Variants in SEMA3C observed in about 807,000 individuals in gnomAD.
SEMA3C encodes the protein semaphorin 3C.
A neutral mutation model predicts 89.4 loss-of-function variants in SEMA3C; 47 were observed. The ratio of observed to expected loss-of-function variants is 0.53; its 90% confidence interval spans 0.42 to 0.67. The LOEUF (loss-of-function observed/expected upper bound fraction) is 0.67. Among genes scored for constraint, SEMA3C ranks in the 30% least tolerant of loss-of-function variants. SEMA3C has a pLI of 0.00. For synonymous variants in SEMA3C, 310 were observed against 320.2 expected (o/e 0.97, Z 0.34); for missense variants, 839 against 929.1 (o/e 0.90, Z 1.26).
chr7:80,771,184 G>A (rs1248669285), intron 12 of SEMA3C, among the ~76,000 whole-genome samples: 3 of 152,206 alleles, frequency 2.0e-5, no homozygotes, highest in African/African-American at 7.2e-5. Flanking sequence ...GTAAATGGAA[G>A]TTATGTTTTA....
At chr7:80,768,699 G>T (rs1275238062) in intron 12 of SEMA3C, among the ~76,000 whole-genome samples, 1 of 152,064 alleles carries the variant, frequency 6.6e-6, no homozygotes, top group Non-Finnish European at 1.5e-5. Flanking sequence ...CAACCTATTG[G>T]AATTAGCAGT....
intron 2 of SEMA3C, among the ~76,000 whole-genome samples, chr7:80,856,305 A>G (rs2115963988): frequency 6.6e-6 from 1 of 152,158 alleles, no homozygotes; most frequent in Non-Finnish European, 1.5e-5. Flanking sequence ...TTCTACATGT[A>G]GCAGGCAGGC....
chr7:80,825,033 T>C (rs1789839065), intron 4 of SEMA3C, among the ~76,000 whole-genome samples: 1 of 152,196 alleles, frequency 6.6e-6, no homozygotes, highest in Admixed American at 6.5e-5. Context: ...AGAATTCCTG[T>C]ATTTTAAAAA....
At chr7:80,838,502 C>T (rs1790189375) in intron 2 of SEMA3C, among the ~76,000 whole-genome samples, 1 of 152,132 alleles carries the variant, frequency 6.6e-6, no homozygotes, top group South Asian at 2.1e-4. Flanking sequence ...AACATAGCCA[C>T]AGTAATACAA....
chr7:80,811,701 A>G (rs1789472396), intron 5 of SEMA3C, among the ~76,000 whole-genome samples: 3 of 152,170 alleles, frequency 2.0e-5, no homozygotes, highest in South Asian at 2.1e-4. Flanking sequence ...CTTGCCCTAG[A>G]AAGTTGGACT....
chr7:80,896,043 TTA>T (rs1791729118), intron 2 of SEMA3C, among the ~76,000 whole-genome samples: 1 of 152,044 alleles, frequency 6.6e-6, no homozygotes, highest in Admixed American at 6.6e-5. Context: ...TGTGTTTAGT[TTA>T]TCTTATCAAT....
At chr7:80,825,496 A>G (rs1477309578) in intron 4 of SEMA3C, among the ~76,000 whole-genome samples, 1 of 152,196 alleles carries the variant, frequency 6.6e-6, no homozygotes, top group Non-Finnish European at 1.5e-5. Context: ...ATTTTTATCT[A>G]ATAACGTTTA....
At chr7:80,871,662 A>G (rs777758648) in intron 2 of SEMA3C, among the ~76,000 whole-genome samples, 1 of 152,158 alleles carries the variant, frequency 6.6e-6, no homozygotes, top group Admixed American at 6.6e-5. Context: ...CTGGGCATAA[A>G]TGCTTAAGGT....
intron 2 of SEMA3C, among the ~76,000 whole-genome samples, chr7:80,880,796 G>A (rs1217263515): frequency 2.0e-5 from 3 of 152,008 alleles, no homozygotes; most frequent in Non-Finnish European, 2.9e-5. Flanking sequence ...GTGCTGACAG[G>A]TGCCTGTAGT....
intron 4 of SEMA3C, among the ~76,000 whole-genome samples, chr7:80,819,845 T>A (rs1267084990): frequency 6.6e-6 from 1 of 152,154 alleles, no homozygotes; most frequent in Non-Finnish European, 1.5e-5. Context: ...AGCTTCACTA[T>A]CCTTTGCTGA....
intron 2 of SEMA3C, among the ~76,000 whole-genome samples, chr7:80,902,307 C>A (rs1396045375): frequency 1.3e-5 from 2 of 152,182 alleles, no homozygotes; most frequent in African/African-American, 4.8e-5. Context: ...CTAGCCAACA[C>A]TGACAATTTT....
intron 2 of SEMA3C, among the ~76,000 whole-genome samples, chr7:80,889,317 T>G (rs935804793): frequency 6.6e-6 from 1 of 152,224 alleles, no homozygotes; most frequent in Non-Finnish European, 1.5e-5. Flanking sequence ...GTAGTAAAAT[T>G]AAAACTAGAA....
chr7:80,869,312 ATC>A (rs1583961506), intron 2 of SEMA3C, among the ~76,000 whole-genome samples: 2 of 152,346 alleles, frequency 1.3e-5, no homozygotes, highest in East Asian at 3.9e-4. Context: ...GAAAATCAGC[ATC>A]TCATTACAAG....
At chr7:80,751,374 A>G (rs771143424) in intron 15 of SEMA3C, 38 bp from the exon 16 acceptor site, 123 of 1,532,276 alleles carry the variant, frequency 8.0e-5, no homozygotes, top group Non-Finnish European at 1.1e-4. Flanking sequence ...ACTGAGAATT[A>G]TCACTGCCAA....
At position 80,810,667 on chromosome 7, in the gene SEMA3C, G is replaced by T. The variant is rs769307731; in HGVS notation, c.482C>A (p.Ser161Tyr). 1 of 1,613,738 alleles carries T rather than the reference G, an allele frequency of 6.2e-7. No individual in the cohort carries two copies. Residue 161 changes from serine to tyrosine, a missense_variant, in exon 6 of 18, where the codon TCT (serine) becomes TAT (tyrosine). Physicochemically the swap from Ser to Tyr is moderately radical, Grantham distance 144 (BLOSUM62 -2). Coordinates refer to ENST00000265361, the MANE Select transcript of SEMA3C (RefSeq NM_006379.5). ...QVFMIDSKCE[S>Y]GKGRCSFNPN... ...GTTGAAAGAGCAGCGTCCTTTTCCA[G>T]ATTCACACTTGGAGTCAATCATGAA...
At chr7:80,774,019 T>G (rs147057194) in intron 12 of SEMA3C, among the ~76,000 whole-genome samples, 14 of 152,198 alleles carry the variant, frequency 9.2e-5, no homozygotes, top group Non-Finnish European at 1.9e-4. Flanking sequence ...TTTAAAAGTG[T>G]TGTATTCCAG....
intron 4 of SEMA3C, 43 bp from the exon 5 acceptor site, chr7:80,818,461 T>C: frequency 6.3e-7 from 1 of 1,591,262 alleles, no homozygotes; most frequent in Non-Finnish European, 8.6e-7. Flanking sequence ...TCAATGACTT[T>C]CATTGTTATT....
intron 5 of SEMA3C, among the ~76,000 whole-genome samples, chr7:80,810,999 T>A (rs1248375462): frequency 1.3e-5 from 2 of 152,144 alleles, no homozygotes; most frequent in Admixed American, 6.5e-5. Context: ...AGTATTATTA[T>A]AAATCTCAAC....
chr7:80,901,517 CAAAACTTACCGCCAAGTGCTAAGT>C (rs1246894162), intron 2 of SEMA3C, among the ~76,000 whole-genome samples: 1 of 152,166 alleles, frequency 6.6e-6, no homozygotes, highest in Non-Finnish European at 1.5e-5. Context: ...ATATACTTTG[CAAAACTTACCGCCAAGTGCTAAGT>C]AGTAGAAGCA....
Sources: gnomAD v4.1 joint callset for allele counts (sites outside exome capture counted in the v4.1 genomes callset) on GRCh38, gnomAD v4.1.1 for gene constraint, MANE v1.5 for transcripts, NCBI Gene and HGNC (gene_info 2026-07-23, HGNC 2026-07-21) for gene names.